CLIP3: variants seen among roughly 807,000 people sequenced by gnomAD.
CLIP3 encodes the protein CAP-Gly domain containing linker protein 3, also known as CAP-Gly domain-containing linker protein 3.
In CLIP3, 15 loss-of-function variants were observed where a neutral mutation model predicts 59.4. The ratio of observed to expected loss-of-function variants is 0.25; its 90% confidence interval spans 0.17 to 0.39. The LOEUF (loss-of-function observed/expected upper bound fraction) is 0.39. Ranked by LOEUF, CLIP3 falls within the 10% of genes least tolerant of loss-of-function variation. The probability of loss-of-function intolerance (pLI) is 1.00; values close to 1 mark genes in which losing one functional copy is unlikely to be tolerated. For missense variants in CLIP3, 495 were observed against 765.7 expected (o/e 0.65, Z 4.17); for synonymous variants, 300 against 321.6 (o/e 0.93, Z 0.72).
chr19:36,020,857 T>A (rs1250787880), intron 7 of CLIP3, among the ~76,000 whole-genome samples: 1 of 152,000 alleles, frequency 6.6e-6, no homozygotes, highest in Non-Finnish European at 1.5e-5. Flanking sequence ...TTATTGAAAT[T>A]TTTTTTCTAT....
intron 7 of CLIP3, among the ~76,000 whole-genome samples, chr19:36,019,711 T>C (rs1395516084): frequency 6.6e-6 from 1 of 151,626 alleles, no homozygotes; most frequent in African/African-American, 2.4e-5. Context: ...CAAGCAATTC[T>C]CCCATCTCAG....
At chr19:36,027,692 T>C (rs1354173130) in intron 2 of CLIP3, among the ~76,000 whole-genome samples, 1 of 152,124 alleles carries the variant, frequency 6.6e-6, no homozygotes, top group African/African-American at 2.4e-5. Context: ...GAAGTCCTGG[T>C]TTTTAATAAA....
intron 2 of CLIP3, among the ~76,000 whole-genome samples, chr19:36,031,003 C>CTTTTTTTTTTTTTTTTT (rs1568545487): frequency 1.6e-5 from 1 of 62,838 alleles, no homozygotes; most frequent in African/African-American, 7.2e-5. Flanking sequence ...TTCTTTTTTT[C>CTTTTTTTTTTTTTTTTT]TTTTCTTTTT....
At chr19:36,023,507 A>T (rs1029607702) in intron 7 of CLIP3, among the ~76,000 whole-genome samples, 2 of 152,090 alleles carry the variant, frequency 1.3e-5, no homozygotes, top group African/African-American at 4.8e-5. Context: ...AGCCAGGGAC[A>T]ATTTACTAAA....
chr19:36,028,819 C>T (rs543721415), intron 2 of CLIP3, among the ~76,000 whole-genome samples: 1 of 152,156 alleles, frequency 6.6e-6, no homozygotes, highest in African/African-American at 2.4e-5. Context: ...GTCCCTCCCA[C>T]GTGCCAAGCA....
In CLIP3 at chr19:36,024,567, T is replaced by C. The variant is rs1313474410; in HGVS notation, c.747A>G (p.Ala249=). ...PDPMDMSLDK[A]EAALVAKELR... Reference sequence around the variant, plus strand: ...GCTCCTTGGCCACCAGTGCCGCCTCTGCCTTGTCCAGGGACATGTCCATAG... The same window carrying C: ...GCTCCTTGGCCACCAGTGCCGCCTCCGCCTTGTCCAGGGACATGTCCATAG... The change falls in exon 7 of 14, where the codon GCA becomes GCG. Residue 249 remains alanine, a synonymous_variant. Coordinates refer to ENST00000360535, the MANE Select transcript of CLIP3 (RefSeq NM_015526.3). The C allele has an allele frequency of 6.2e-7, 1 of 1,614,142 alleles. No individual in the cohort carries two copies. The highest frequency in any genetic ancestry group is 8.5e-7 in the Non-Finnish European group (1 of 1,180,054).
At chr19:36,018,601 AAGT>A (rs1968865343) in intron 9 of CLIP3, among the ~76,000 whole-genome samples, 1 of 151,752 alleles carries the variant, frequency 6.6e-6, no homozygotes, top group Non-Finnish European at 1.5e-5. Flanking sequence ...AAAAAAAAAA[AAGT>A]AGATCAAATG....
rs755144282 is a variant in CLIP3, at chr19:36,027,258, G to A, written c.180C>T (p.Phe60=). The change falls in exon 3 of 14, where the codon TTC becomes TTT. Residue 60 remains phenylalanine (F), a synonymous_variant. Coordinates refer to ENST00000360535, the MANE Select transcript of CLIP3 (RefSeq NM_015526.3). ...CCTGGCACGCCGGGTCATTGGGATC[G>A]AAGAAGGTGAAAGCTGGGGTGGCAA... ...PLPKDYAFTF[F]DPNDPACQEI... is the part of the protein sequence containing the mutation. 2.5e-6 allele frequency: 4 copies of A among 1,604,546 alleles called. No individual in the cohort carries two copies. Among genetic ancestry groups the A allele is most frequent in the African/African-American group, 1.3e-5 (1 of 74,734 alleles).
At chr19:36,020,800 C>A (rs552338862) in intron 7 of CLIP3, among the ~76,000 whole-genome samples, 4 of 152,060 alleles carry the variant, frequency 2.6e-5, no homozygotes, top group Non-Finnish European at 5.9e-5. Context: ...GAAATTAAAG[C>A]CCTCAGAACA....
rs1004287671 is a variant in CLIP3 at position 36,024,288 on chromosome 19, G to A, written c.918+108C>T. 5 of 888,200 alleles carry A rather than the reference G, an allele frequency of 5.6e-6. No homozygotes were observed. The African/African-American group carries it at 8.4e-5, about 15-fold the overall frequency. The allele number at this position is 888,200 out of a possible 1,614,324, so 55.0% of individuals were successfully genotyped here. A position where few individuals can be genotyped will look rare whatever the true frequency, so the allele number is the denominator to read the frequency against. On this transcript the variant is annotated intron_variant, in intron 7 of 13. Transcript: ENST00000360535. ...ACTGGGTGGATAGTTAGGGCGGCAA[G>A]TAGACAAAGGGCAGGGACTGCACTC...
Position 36,026,334 on chromosome 19 carries a change from G to C in CLIP3, c.563-69C>G. Reference sequence around the variant, plus strand: ...GACCCCAGCCCTCCTCCCACCTCGGGGCTCATCTCTTAACTTGCAGGTCCC... The same window carrying C: ...GACCCCAGCCCTCCTCCCACCTCGGCGCTCATCTCTTAACTTGCAGGTCCC... On this transcript the variant is annotated intron_variant, in intron 5 of 13. Coordinates refer to ENST00000360535, the MANE Select transcript of CLIP3 (RefSeq NM_015526.3). This position sits in a 1 kb window ranked among gnomAD's most constrained non-coding sequence, Gnocchi z 6.3. 7.2e-7 allele frequency: 1 copy of C among 1,383,052 alleles called. No homozygotes were observed. The highest frequency in any genetic ancestry group is 2.3e-5 in the East Asian group (1 of 43,324). 85.7% of individuals were successfully genotyped at this position (1,383,052 alleles called of 1,614,324 possible).
chr19:36,027,110 C>G (rs1969135207), intron 3 of CLIP3, 22 bp downstream of exon 3: 1 of 1,592,548 alleles, frequency 6.3e-7, no homozygotes, highest in African/African-American at 1.4e-5. Context: ...CCCTCTCCCC[C>G]TGGTTTCCCC....
intron 7 of CLIP3, among the ~76,000 whole-genome samples, chr19:36,019,839 G>A (rs1043195032): frequency 6.6e-6 from 1 of 151,652 alleles, no homozygotes; most frequent in African/African-American, 2.4e-5. Flanking sequence ...CTGACCTCAG[G>A]TGATCCACCC....
At chr19:36,028,744 C>T (rs992762625) in intron 2 of CLIP3, among the ~76,000 whole-genome samples, 8 of 152,138 alleles carry the variant, frequency 5.3e-5, no homozygotes, top group African/African-American at 1.9e-4. Context: ...CATCCAGCCC[C>T]TCAGTTCTCA....
chr19:36,031,687 A>G (rs1969271449), intron 2 of CLIP3, among the ~76,000 whole-genome samples: 1 of 152,206 alleles, frequency 6.6e-6, no homozygotes, highest in Non-Finnish European at 1.5e-5. Context: ...CAGGGAAACA[A>G]TGTCTTAAAA....
chr19:36,024,291 G>A, intron 7 of CLIP3, 105 bp downstream of exon 7: 1 of 928,204 alleles, frequency 1.1e-6, no homozygotes, highest in Non-Finnish European at 1.6e-6. Context: ...GCGGCAAGTA[G>A]ACAAAGGGCA....
At chr19:36,022,647 C>T (rs1281602241) in intron 7 of CLIP3, among the ~76,000 whole-genome samples, 1 of 152,170 alleles carries the variant, frequency 6.6e-6, no homozygotes, top group Admixed American at 6.6e-5. Context: ...TGGGGCCGGG[C>T]GCAGTGGCTT....
chr19:36,025,753 C>T (rs773796660), intron 6 of CLIP3, among the ~76,000 whole-genome samples: 110 of 152,288 alleles, frequency 7.2e-4, no homozygotes, highest in Non-Finnish European at 1.0e-4. Context: ...GGGTAATTAG[C>T]ATTGTGGATG....
rs1236518314 is a variant in CLIP3, at chr19:36,019,190, G to A, written c.1035C>T (p.Phe345=). 1 of 1,613,894 alleles carries A rather than the reference G, an allele frequency of 6.2e-7. No homozygotes were observed. The highest frequency in any genetic ancestry group is 8.5e-7 in the Non-Finnish European group (1 of 1,180,044). Residue 345 remains phenylalanine (F), a synonymous_variant, in exon 8 of 14, where the codon TTC becomes TTT. Transcript: ENST00000360535. ...ACTAACCCTGCTTGGGAGGGCAGAT[G>A]AAGTACCGAACGCCCCCAACGCTGC... ...NDGSVGGVRY[F]ICPPKQGLFA...
Sources: gnomAD v4.1 joint callset for allele counts (sites outside exome capture counted in the v4.1 genomes callset) on GRCh38, gnomAD v4.1.1 for gene constraint, Gnocchi (gnomAD v3.1) non-coding constraint, MANE v1.5 for transcripts, NCBI Gene and HGNC (gene_info 2026-07-23, HGNC 2026-07-21) for gene names.